The following CCDC148 variants were observed in gnomAD, a reference collection of about 807,000 sequenced individuals.
CCDC148 encodes coiled-coil domain containing 148, also known as coiled-coil domain-containing protein 148.
A neutral mutation model predicts 85.7 loss-of-function variants in CCDC148; 89 were observed. The ratio of observed to expected loss-of-function variants is 1.04; its 90% CI spans 0.87 to 1.24. The LOEUF (loss-of-function observed/expected upper bound fraction) is 1.24. Among genes scored for constraint, CCDC148 ranks in the 50% most tolerant of loss-of-function variants. The probability of loss-of-function intolerance (pLI) is 0.00; values close to 1 mark genes in which losing one functional copy is unlikely to be tolerated. For synonymous variants in CCDC148, 230 were observed against 213.9 expected, an observed-to-expected ratio of 1.08 and a Z score of -0.66; for missense variants, 692 against 671.7, an observed-to-expected ratio of 1.03 and a Z score of -0.33.
At chr2:158,220,536 CTT>C in intron 11 of CCDC148, 57 bp downstream of exon 11, 1 of 1,154,052 alleles carries the variant, frequency 8.7e-7, no homozygotes, top group East Asian at 2.4e-5. Context: ...TATTCTAACA[CTT>C]TACAAAAGAC....
At chr2:158,254,651 G>T (rs1688937583) in intron 9 of CCDC148, among the ~76,000 whole-genome samples, 1 of 151,584 alleles carries the variant, frequency 6.6e-6, no homozygotes, top group South Asian at 2.1e-4. Context: ...CATTGAAACA[G>T]TGAAAAGAAA....
At chr2:158,198,912 C>G (rs982313090) in intron 11 of CCDC148, among the ~76,000 whole-genome samples, 1 of 152,076 alleles carries the variant, frequency 6.6e-6, no homozygotes, top group African/African-American at 2.4e-5. Context: ...TCAAACAAAC[C>G]TTGATTCTGA....
intron 9 of CCDC148, among the ~76,000 whole-genome samples, chr2:158,269,955 C>T (rs1689628317): frequency 6.6e-6 from 1 of 152,124 alleles, no homozygotes; most frequent in South Asian, 2.1e-4. Flanking sequence ...CAAAGTAGAA[C>T]CTACACTAAT....
At chr2:158,266,912 AC>A (rs1689485235) in intron 9 of CCDC148, among the ~76,000 whole-genome samples, 1 of 148,694 alleles carries the variant, frequency 6.7e-6, no homozygotes, top group African/African-American at 2.5e-5. Context: ...ATATACACAC[AC>A]ATATATACAT....
intron 10 of CCDC148, chr2:158,235,810 C>G (rs1255493646): frequency 6.6e-6 from 1 of 152,176 alleles, no homozygotes; most frequent in Non-Finnish European, 1.5e-5. Context: ...GGTGGGAATG[C>G]AGGGCAACCG....
At chr2:158,443,974 T>C (rs1688054583) in intron 1 of CCDC148, among the ~76,000 whole-genome samples, 1 of 152,192 alleles carries the variant, frequency 6.6e-6, no homozygotes, top group African/African-American at 2.4e-5. Context: ...AAAAAATAAT[T>C]ACAGTGTACC....
chr2:158,208,547 T>C (rs1445988654), intron 11 of CCDC148, among the ~76,000 whole-genome samples: 1 of 151,858 alleles, frequency 6.6e-6, no homozygotes, highest in East Asian at 1.9e-4. Flanking sequence ...CTGGGCAGGG[T>C]GGCACGACAG....
intron 10 of CCDC148, among the ~76,000 whole-genome samples, chr2:158,225,288 C>G (rs1466955382): frequency 1.3e-5 from 2 of 152,138 alleles, no homozygotes. Context: ...AAAACAGGAG[C>G]ACCCAGATTC....
chr2:158,242,415 T>G (rs1180240814), intron 10 of CCDC148, among the ~76,000 whole-genome samples: 3 of 152,298 alleles, frequency 2.0e-5, no homozygotes, highest in Non-Finnish European at 4.4e-5. Context: ...ATGCATTTTC[T>G]TATCATACAA....
At position 158,253,213 on chromosome 2, in the gene CCDC148, A is replaced by G. The variant is rs113990761; in HGVS notation, c.1111-2301T>C. Reference sequence around the variant, plus strand: ...CTTTCTGCCAGAAGTATTTAGAACAAGATCAGAAAGTTCAAAAGGATGATG... The same window carrying G: ...CTTTCTGCCAGAAGTATTTAGAACAGGATCAGAAAGTTCAAAAGGATGATG... On this transcript the variant is annotated intron_variant, in intron 9 of 13. Coordinates refer to ENST00000283233, the MANE Select transcript of CCDC148 (RefSeq NM_138803.4). Among the ~76,000 whole-genome samples the G allele has an allele frequency of 2.5e-3, 384 of 151,880 alleles. 3 individuals are homozygous for G. The highest frequency in any genetic ancestry group is 8.6e-3 in the African/African-American group (356 of 41,522).
intron 1 of CCDC148, among the ~76,000 whole-genome samples, chr2:158,391,723 G>T (rs1172666358): frequency 6.6e-6 from 1 of 152,130 alleles, no homozygotes; most frequent in East Asian, 1.9e-4. Context: ...CACTTATACT[G>T]AAGGATGAGG....
chr2:158,246,023 G>A (rs1001669070), intron 10 of CCDC148, among the ~76,000 whole-genome samples: 19 of 152,142 alleles, frequency 1.2e-4, no homozygotes, highest in African/African-American at 2.9e-4. Context: ...AATTAGCATC[G>A]AATACAAACC....
At chr2:158,440,132 G>A (rs1411666698) in intron 1 of CCDC148, among the ~76,000 whole-genome samples, 3 of 151,990 alleles carry the variant, frequency 2.0e-5, no homozygotes, top group East Asian at 1.9e-4. Flanking sequence ...GCCTCCAAAG[G>A]TGCTGAGATT....
At chr2:158,340,990 A>G (rs1016669052) in intron 3 of CCDC148, among the ~76,000 whole-genome samples, 1 of 152,172 alleles carries the variant, frequency 6.6e-6, no homozygotes, top group Non-Finnish European at 1.5e-5. Context: ...CGTGTTTCAG[A>G]AAGATTCCCA....
chr2:158,241,784 A>G (rs1031395975), intron 10 of CCDC148, among the ~76,000 whole-genome samples: 1 of 152,178 alleles, frequency 6.6e-6, no homozygotes, highest in African/African-American at 2.4e-5. Context: ...ACTCAATATA[A>G]CAGTAAATGA....
At chr2:158,253,847 T>A (rs1232619578) in intron 9 of CCDC148, among the ~76,000 whole-genome samples, 2 of 151,592 alleles carry the variant, frequency 1.3e-5, no homozygotes, top group Non-Finnish European at 3.0e-5. Flanking sequence ...TATGGAATAA[T>A]CTTAACATCA....
intron 1 of CCDC148, chr2:158,380,758 C>G (rs1684837457): frequency 6.6e-6 from 1 of 152,018 alleles, no homozygotes; most frequent in Non-Finnish European, 1.5e-5. Context: ...GTTATTGGAG[C>G]AAGGATGGGC....
chr2:158,390,153 A>G (rs1685245469), intron 1 of CCDC148, among the ~76,000 whole-genome samples: 1 of 152,174 alleles, frequency 6.6e-6, no homozygotes, highest in Non-Finnish European at 1.5e-5. Flanking sequence ...ACCATTTGAA[A>G]GTACAAGGAA....
chr2:158,330,237 A>G (rs1693023777), intron 7 of CCDC148, among the ~76,000 whole-genome samples: 1 of 152,146 alleles, frequency 6.6e-6, no homozygotes, highest in Non-Finnish European at 1.5e-5. Context: ...AATTTTGTCA[A>G]AGGCCTTTTC....
Sources: gnomAD v4.1 joint callset for allele counts (sites outside exome capture counted in the v4.1 genomes callset) on GRCh38, gnomAD v4.1.1 for gene constraint, MANE v1.5 for transcripts, NCBI Gene and HGNC (gene_info 2026-07-23, HGNC 2026-07-21) for gene names.